Variants in NDST3 observed in about 807,000 individuals in gnomAD.
The protein encoded by NDST3 is N-deacetylase and N-sulfotransferase 3, also known as bifunctional heparan sulfate N-deacetylase/N-sulfotransferase 3.
NDST3 carries 58 observed loss-of-function variants against 96.1 expected under a neutral mutation model. The ratio of observed to expected loss-of-function variants is 0.60; its 90% confidence interval spans 0.49 to 0.75. The LOEUF (loss-of-function observed/expected upper bound fraction) is 0.75, where lower values mean the gene tolerates loss of function less well. NDST3 is among the 30% of genes least tolerant of loss of function. The pLI, the probability that NDST3 is intolerant of heterozygous loss-of-function variation, is 0.00. For synonymous variants in NDST3, 333 were observed against 359.7 expected (o/e 0.93, Z 0.84); for missense variants, 788 against 1,034.2 (o/e 0.76, Z 3.27).
chr4:118,214,610 A>T (rs2125988675), intron 6 of NDST3, among the ~76,000 whole-genome samples: 1 of 152,282 alleles, frequency 6.6e-6, no homozygotes, highest in Non-Finnish European at 1.5e-5. Flanking sequence ...TAGAGGATAG[A>T]TTAGAGGAAC....
At chr4:118,207,813 T>C (rs1014948275) in intron 6 of NDST3, among the ~76,000 whole-genome samples, 2 of 144,734 alleles carry the variant, frequency 1.4e-5, no homozygotes, top group African/African-American at 5.1e-5. Context: ...ATTCTGATAA[T>C]AATATTCAAG....
chr4:118,177,751 T>G (rs1345521047), intron 6 of NDST3, among the ~76,000 whole-genome samples: 1 of 151,914 alleles, frequency 6.6e-6, no homozygotes, highest in Non-Finnish European at 1.5e-5. Context: ...GCAACACAAG[T>G]GCTGCTGGGA....
intron 6 of NDST3, among the ~76,000 whole-genome samples, chr4:118,156,251 T>C (rs1162654805): frequency 6.6e-6 from 1 of 152,206 alleles, no homozygotes; most frequent in Admixed American, 6.5e-5. Flanking sequence ...CAAGCTGGAA[T>C]GCCCTCCTGC....
At position 118,143,696 on chromosome 4, in the gene NDST3, A is replaced by G. The variant is rs568725430; in HGVS notation, c.1539+12A>G. 1.9e-6 allele frequency: 3 copies of G among 1,573,034 alleles called. No individual in the cohort carries two copies. The highest frequency in any genetic ancestry group is 4.6e-5 in the East Asian group (2 of 43,754). On this transcript the variant is annotated intron_variant, in intron 6 of 13. Transcript: ENST00000296499. ...TCGTCCTCAACCCTGTAAGTACTTT[A>G]TTCTCCAAATAAATAGTGAAAAATG... is the stretch of plus-strand genomic sequence containing the variant.
rs142578258 is a variant in NDST3, at chr4:118,255,619, T to C, written c.2529T>C (p.Tyr843=). Residue 843 remains tyrosine (Y), a synonymous_variant, in exon 14 of 14, where the codon TAT becomes TAC. Transcript: ENST00000296499. ...GCAGGACATTTCTGTCAAGCTACTA[T>C]CGAGATCACAACGTGGAACTCTCAA... ...SDSRTFLSSY[Y]RDHNVELSKL... 239 of 1,613,770 alleles carry C rather than the reference T, an allele frequency of 1.5e-4. No homozygotes were observed. The African/African-American group carries it at 2.7e-3, about 18-fold the overall frequency.
At chr4:118,211,395 AT>A (rs1738788976) in intron 6 of NDST3, among the ~76,000 whole-genome samples, 1 of 152,122 alleles carries the variant, frequency 6.6e-6, no homozygotes, top group African/African-American at 2.4e-5. Context: ...CATTCATTTT[AT>A]ATTCAGATTT....
intron 4 of NDST3, among the ~76,000 whole-genome samples, chr4:118,119,016 A>G (rs1487604877): frequency 2.0e-5 from 3 of 152,188 alleles, no homozygotes; most frequent in African/African-American, 7.2e-5. Flanking sequence ...AACTCTGCCA[A>G]TATCAGATGA....
At chr4:118,209,092 A>G (rs1738622676) in intron 6 of NDST3, among the ~76,000 whole-genome samples, 1 of 152,180 alleles carries the variant, frequency 6.6e-6, no homozygotes, top group African/African-American at 2.4e-5. Context: ...AGTTAAACAC[A>G]TTTAGAGATG....
chr4:118,193,856 T>C, intron 6 of NDST3: 2 of 1,224,508 alleles, frequency 1.6e-6, no homozygotes, highest in Middle Eastern at 2.6e-4. Context: ...CTGTGTTTCC[T>C]CATTGGAAAA....
intron 6 of NDST3, 96 bp from the exon 7 acceptor site, chr4:118,224,395 A>G (rs958255018): frequency 6.2e-6 from 7 of 1,120,608 alleles, no homozygotes; most frequent in Admixed American, 2.6e-5. Context: ...CCCTGTGCAG[A>G]CTACTTAAGG....
chr4:118,099,291 G>A (rs1729586222), intron 2 of NDST3, among the ~76,000 whole-genome samples: 1 of 152,008 alleles, frequency 6.6e-6, no homozygotes, highest in Non-Finnish European at 1.5e-5. Flanking sequence ...CCAAGCACAA[G>A]AACTGGGCAT....
At chr4:118,127,953 A>G (rs989762218) in intron 4 of NDST3, among the ~76,000 whole-genome samples, 1 of 152,042 alleles carries the variant, frequency 6.6e-6, no homozygotes, top group African/African-American at 2.4e-5. Flanking sequence ...TGGCTACTAT[A>G]AATGAGATTA....
At chr4:118,162,420 G>C (rs1735225711) in intron 6 of NDST3, among the ~76,000 whole-genome samples, 1 of 152,038 alleles carries the variant, frequency 6.6e-6, no homozygotes, top group African/African-American at 2.4e-5. Context: ...CAATGGAACA[G>C]AACAGAGCCC....
chr4:118,113,518 T>C (rs1730814055), intron 3 of NDST3, among the ~76,000 whole-genome samples: 1 of 152,198 alleles, frequency 6.6e-6, no homozygotes, highest in Non-Finnish European at 1.5e-5. Flanking sequence ...TCTCATAGTA[T>C]GCCTTTATCT....
chr4:118,211,437 A>ATTATAAAC (rs1218432518), intron 6 of NDST3, among the ~76,000 whole-genome samples: 1 of 152,132 alleles, frequency 6.6e-6, no homozygotes, highest in Non-Finnish European at 1.5e-5. Context: ...GAAATATAAA[A>ATTATAAAC]TTTCTAAGAA....
intron 2 of NDST3, among the ~76,000 whole-genome samples, chr4:118,072,541 G>C (rs973117597): frequency 6.6e-6 from 1 of 151,982 alleles, no homozygotes; most frequent in Non-Finnish European, 1.5e-5. Context: ...GATGTTGTTG[G>C]TGTACAGAAA....
At chr4:118,058,624 T>G (rs1042925757) in intron 2 of NDST3, among the ~76,000 whole-genome samples, 1 of 41,234 alleles carries the variant, frequency 2.4e-5, no homozygotes, top group Non-Finnish European at 1.2e-4. Flanking sequence ...TGTGTGTGTG[T>G]GTGTGTGTGT....
At chr4:118,187,249 T>C (rs1020826526) in intron 6 of NDST3, among the ~76,000 whole-genome samples, 3 of 152,226 alleles carry the variant, frequency 2.0e-5, no homozygotes, top group Admixed American at 6.5e-5. Context: ...AATTCAATTA[T>C]TTAGCATAAC....
intron 6 of NDST3, among the ~76,000 whole-genome samples, chr4:118,222,900 T>C (rs1308038967): frequency 6.6e-6 from 1 of 152,002 alleles, no homozygotes; most frequent in East Asian, 1.9e-4. Flanking sequence ...TTCGAATGTA[T>C]TAGTATCATG....
Sources: allele counts gnomAD v4.1 joint callset (sites outside exome capture counted in the v4.1 genomes callset), GRCh38; gene constraint gnomAD v4.1.1; transcripts MANE v1.5; gene names NCBI Gene and HGNC (gene_info 2026-07-23, HGNC 2026-07-21).